The following COMMD1 variants were observed in gnomAD, a reference collection of about 807,000 sequenced individuals.
The protein encoded by COMMD1 is COMM domain-containing protein 1.
In COMMD1, 10 loss-of-function variants were observed where a neutral mutation model predicts 17.2. The ratio of observed to expected loss-of-function variants is 0.58; its 90% CI spans 0.36 to 0.99. COMMD1 has a LOEUF of 0.99. COMMD1 is among the 50% of genes least tolerant of loss of function. The pLI is 0.01. For synonymous variants in COMMD1, 97 were observed against 91.6 expected (o/e 1.06, Z -0.34); for missense variants, 270 against 231.8 (o/e 1.17, Z -1.07).
chr2:61,938,261 G>A (rs1490869427), intron 1 of COMMD1, among the ~76,000 whole-genome samples: 1 of 150,718 alleles, frequency 6.6e-6, no homozygotes, highest in African/African-American at 2.5e-5. Context: ...CAGCTTCCTG[G>A]GCATGCGTAT....
chr2:61,905,591 T>G, upstream of COMMD1: 1 of 1,328,232 alleles, frequency 7.5e-7, no homozygotes, highest in Non-Finnish European at 1.0e-6. Flanking sequence ...AGGTTCCCCG[T>G]GGTGGTTTTG....
At chr2:61,918,567 C>T (rs1202019123) in intron 1 of COMMD1, 1 of 152,136 alleles carries the variant, frequency 6.6e-6, no homozygotes, top group Admixed American at 6.6e-5. Flanking sequence ...TTCCTTTTCT[C>T]AAAGCAGCTA....
chr2:62,035,743 TAAAA>T (rs763075178), intron 2 of COMMD1, among the ~76,000 whole-genome samples: 4 of 95,024 alleles, frequency 4.2e-5, no homozygotes, highest in South Asian at 3.3e-4. Context: ...CTGTCTCAAT[TAAAA>T]AAAAAAAAAA....
intron 2 of COMMD1, among the ~76,000 whole-genome samples, chr2:62,037,683 A>G (rs1046480589): frequency 2.6e-5 from 4 of 152,230 alleles, no homozygotes; most frequent in Non-Finnish European, 4.4e-5. Context: ...GGAGAAGCCA[A>G]CTGAAATATA....
intron 1 of COMMD1, among the ~76,000 whole-genome samples, chr2:61,924,189 T>C (rs1420751019): frequency 1.3e-5 from 2 of 152,148 alleles, no homozygotes; most frequent in Non-Finnish European, 2.9e-5. Flanking sequence ...GGAGACCATA[T>C]GGAGCCACCC....
intron 2 of COMMD1, among the ~76,000 whole-genome samples, chr2:62,007,881 T>C (rs1025783427): frequency 6.6e-6 from 1 of 152,194 alleles, no homozygotes; most frequent in South Asian, 2.1e-4. Context: ...CTAAAACATA[T>C]AATTAATAAT....
chr2:62,089,011 A>G (rs1671749263), intron 2 of COMMD1, among the ~76,000 whole-genome samples: 1 of 152,248 alleles, frequency 6.6e-6, no homozygotes. Flanking sequence ...AGTTTATCTA[A>G]GGATCTAGGA....
Position 62,123,932 on chromosome 2 carries a change from T to C in COMMD1, c.463-11899T>C, listed in dbSNP as rs1312137764. Among the ~76,000 whole-genome samples, 5 of 152,108 alleles carry C rather than the reference T, an allele frequency of 3.3e-5. No homozygotes were observed. In the East Asian group the frequency reaches 5.8e-4, roughly 18 times the overall value. Reference sequence around the variant, plus strand: ...TGGTCATCAAAGGAAGGGAAATATTTGGGAATAAAAATATTTTTCTGCCTT... The same window carrying C: ...TGGTCATCAAAGGAAGGGAAATATTCGGGAATAAAAATATTTTTCTGCCTT... On this transcript the variant is annotated intron_variant, in intron 2 of 2. Transcript: ENST00000311832.
At chr2:62,017,072 A>T (rs943942496) in intron 2 of COMMD1, among the ~76,000 whole-genome samples, 1 of 152,254 alleles carries the variant, frequency 6.6e-6, no homozygotes, top group African/African-American at 2.4e-5. Flanking sequence ...CAAGACATTA[A>T]TGAGTGGTAG....
intron 2 of COMMD1, among the ~76,000 whole-genome samples, chr2:62,066,603 A>T (rs113854177): frequency 6.6e-6 from 1 of 151,608 alleles, no homozygotes; most frequent in African/African-American, 2.4e-5. Flanking sequence ...GGGTTTCACC[A>T]TGTTAGCCAG....
chr2:61,917,946 A>G (rs1670091937), intron 1 of COMMD1, among the ~76,000 whole-genome samples: 1 of 152,236 alleles, frequency 6.6e-6, no homozygotes, highest in Non-Finnish European at 1.5e-5. Flanking sequence ...GAGACTGGTA[A>G]CTTTTGACTT....
upstream of COMMD1, among the ~76,000 whole-genome samples, chr2:61,901,705 T>C (rs537129576): frequency 6.6e-6 from 1 of 152,316 alleles, no homozygotes; most frequent in East Asian, 1.9e-4. Flanking sequence ...CAGTATTACA[T>C]GTACACTGTA....
At chr2:62,098,283 C>T (rs13415741) in intron 2 of COMMD1, among the ~76,000 whole-genome samples, 25 of 151,862 alleles carry the variant, frequency 1.6e-4, no homozygotes, top group African/African-American at 5.1e-4. Context: ...CTCAGCCTCC[C>T]GAGTAGCTGG....
chr2:61,995,881 G>T (rs960772391), intron 1 of COMMD1, among the ~76,000 whole-genome samples: 1 of 152,128 alleles, frequency 6.6e-6, no homozygotes, highest in Non-Finnish European at 1.5e-5. Context: ...GACATACCTC[G>T]GAAATACCTT....
At chr2:61,892,932 A>G (rs563528537) in intron 1 of COMMD1, among the ~76,000 whole-genome samples, 14 of 151,774 alleles carry the variant, frequency 9.2e-5, no homozygotes, top group Admixed American at 4.6e-4. Flanking sequence ...CAGTGGCGCA[A>G]TCTCAGCTCA....
At chr2:61,990,903 TACACACAC>T (rs34009777) in intron 1 of COMMD1, among the ~76,000 whole-genome samples, 256 of 116,162 alleles carry the variant, frequency 2.2e-3, no homozygotes, top group African/African-American at 7.1e-3. Flanking sequence ...TATATATATA[TACACACAC>T]ACACACACAC....
chr2:61,955,458 G>T (rs568418191), intron 1 of COMMD1, among the ~76,000 whole-genome samples: 1 of 152,042 alleles, frequency 6.6e-6, no homozygotes, highest in Non-Finnish European at 1.5e-5. Context: ...TTTGAACTGC[G>T]TAAGTTTTCA....
At chr2:61,951,972 C>T (rs867348436) in intron 1 of COMMD1, among the ~76,000 whole-genome samples, 5 of 152,154 alleles carry the variant, frequency 3.3e-5, no homozygotes, top group Non-Finnish European at 5.9e-5. Flanking sequence ...ATAGTTCATT[C>T]CTTTTTATTG....
intron 1 of COMMD1, among the ~76,000 whole-genome samples, chr2:61,909,970 G>T (rs1351985739): frequency 6.6e-6 from 1 of 152,128 alleles, no homozygotes; most frequent in Non-Finnish European, 1.5e-5. Context: ...TTTTGTACTG[G>T]TTCTGTTTTC....
Sources: allele counts gnomAD v4.1 joint callset (sites outside exome capture counted in the v4.1 genomes callset), GRCh38; gene constraint gnomAD v4.1.1; transcripts MANE v1.5; gene names NCBI Gene and HGNC (gene_info 2026-07-23, HGNC 2026-07-21).